Variants in ERCC6 observed in about 807,000 individuals in gnomAD.
The protein encoded by ERCC6 is DNA excision repair protein ERCC-6.
In ERCC6, 116 loss-of-function variants were observed where a neutral mutation model predicts 158.7. That is an observed-to-expected ratio of 0.73 (90% confidence interval 0.63 to 0.85). The LOEUF is 0.85. ERCC6 is among the 40% of genes least tolerant of loss of function. The pLI is 0.00. For missense variants in ERCC6, 1,698 were observed against 1,799.4 expected, an observed-to-expected ratio of 0.94 and a Z score of 1.02; for synonymous variants, 678 against 659.3, an observed-to-expected ratio of 1.03 and a Z score of -0.43.
In ERCC6 at chr10:49,457,659, G is replaced by T. The variant is rs1005539948; in HGVS notation, c.*1156C>A. On this transcript the variant is annotated 3_prime_UTR_variant, in exon 21 of 21. Coordinates refer to ENST00000355832, the MANE Select transcript of ERCC6 (RefSeq NM_000124.4). ...AGCATGCCAGAGAATACAAATCCAA[G>T]AAACAAACTGCACTAAGACAGCTAA... is the stretch of plus-strand genomic sequence containing the variant. 1 of 152,166 alleles carries T rather than the reference G, an allele frequency of 6.6e-6. No individual in the cohort carries two copies. Among genetic ancestry groups the T allele is most frequent in the African/African-American group, 2.4e-5 (1 of 41,422 alleles). 9.4% of individuals were successfully genotyped at this position (152,166 alleles called of 1,614,324 possible).
chr10:49,515,418 T>G (rs765244441), intron 5 of ERCC6: 1 of 1,614,204 alleles, frequency 6.2e-7, no homozygotes, highest in South Asian at 1.1e-5. Flanking sequence ...CTTATGACAT[T>G]CAGCGCATCG....
chr10:49,519,934 C>T (rs1837105371), intron 5 of ERCC6, among the ~76,000 whole-genome samples: 1 of 152,146 alleles, frequency 6.6e-6, no homozygotes. Flanking sequence ...AGCCCAGGCC[C>T]CTACCCTCTG....
At chr10:49,537,261 T>C (rs1837619315) in intron 1 of ERCC6, among the ~76,000 whole-genome samples, 2 of 151,302 alleles carry the variant, frequency 1.3e-5, no homozygotes, top group African/African-American at 4.9e-5. Context: ...GGAGAATCGC[T>C]TGAACCCAGG....
chr10:49,447,012 G>A, the ERCC6 span, among the ~76,000 whole-genome samples: 1 of 152,146 alleles, frequency 6.6e-6, no homozygotes, highest in Non-Finnish European at 1.5e-5. Context: ...ACATATCTCT[G>A]AGGACTGAAC....
intron 8 of ERCC6, among the ~76,000 whole-genome samples, chr10:49,487,931 C>A (rs1463047953): frequency 6.6e-6 from 1 of 152,168 alleles, no homozygotes; most frequent in East Asian, 1.9e-4. Context: ...AGCCACTGGG[C>A]AAAACCCCAT....
intron 5 of ERCC6, among the ~76,000 whole-genome samples, chr10:49,513,180 C>T (rs1187772241): frequency 6.6e-6 from 1 of 152,176 alleles, no homozygotes; most frequent in African/African-American, 2.4e-5. Flanking sequence ...CCCCATCTTA[C>T]AGGTGAGTGG....
chr10:49,479,925 G>A (rs1373466161), intron 10 of ERCC6, among the ~76,000 whole-genome samples: 1 of 152,224 alleles, frequency 6.6e-6, no homozygotes, highest in Non-Finnish European at 1.5e-5. Flanking sequence ...TCCCAGTGCT[G>A]TGGAAAACAG....
At chr10:49,474,293 G>T (rs1180278268) in intron 12 of ERCC6, 51 bp from the exon 13 acceptor site, 3 of 1,435,104 alleles carry the variant, frequency 2.1e-6, no homozygotes, top group African/African-American at 2.8e-5. Context: ...TGTAAAGTAA[G>T]ATTCCCTAGG....
intron 8 of ERCC6, among the ~76,000 whole-genome samples, chr10:49,489,629 T>G (rs1851137275): frequency 6.6e-6 from 1 of 152,144 alleles, no homozygotes; most frequent in Non-Finnish European, 1.5e-5. Flanking sequence ...ACTCTTTAAA[T>G]TACCTAAGAT....
intron 19 of ERCC6, 53 bp downstream of exon 19, chr10:49,461,299 C>G: frequency 6.4e-7 from 1 of 1,559,704 alleles, no homozygotes; most frequent in Non-Finnish European, 8.8e-7. Flanking sequence ...GATTTTATTT[C>G]TAGCCTTAGT....
chr10:49,533,067 CAA>C, intron 1 of ERCC6, 89 bp from the exon 2 acceptor site: 2 of 1,435,216 alleles, frequency 1.4e-6, no homozygotes, highest in Non-Finnish European at 9.4e-7. Flanking sequence ...ACTGATTTCT[CAA>C]AAGATCAAGT....
chr10:49,435,191 A>C, the ERCC6 span, among the ~76,000 whole-genome samples: 1 of 152,246 alleles, frequency 6.6e-6, no homozygotes, highest in Non-Finnish European at 1.5e-5. Context: ...GTTTCTAACA[A>C]TATAGTCTTA....
chr10:49,505,818 C>T, intron 6 of ERCC6, 66 bp downstream of exon 6: 2 of 1,601,280 alleles, frequency 1.2e-6, no homozygotes, highest in East Asian at 4.5e-5. Context: ...TATGTAATTC[C>T]TAAAATGTTA....
the ERCC6 span, among the ~76,000 whole-genome samples, chr10:49,446,054 G>C: frequency 6.6e-6 from 1 of 152,150 alleles, no homozygotes; most frequent in Non-Finnish European, 1.5e-5. Flanking sequence ...GTTCACATGA[G>C]TTTGAAGTCC....
At chr10:49,449,840 G>T (rs541049861), downstream of ERCC6, among the ~76,000 whole-genome samples, 1 of 151,286 alleles carries the variant, frequency 6.6e-6, no homozygotes, top group Non-Finnish European at 1.5e-5. Context: ...GTGAGCCACC[G>T]CGCCTGGCCT....
At chr10:49,511,163 C>T (rs1225107119) in intron 5 of ERCC6, among the ~76,000 whole-genome samples, 6 of 152,124 alleles carry the variant, frequency 3.9e-5, no homozygotes, top group Non-Finnish European at 8.8e-5. Flanking sequence ...GGTTTCTGCA[C>T]GCCAGCTGAT....
intron 5 of ERCC6, among the ~76,000 whole-genome samples, chr10:49,514,593 C>T (rs193264187): frequency 3.9e-5 from 6 of 152,238 alleles, no homozygotes; most frequent in Admixed American, 2.0e-4. Context: ...AAATCTACAC[C>T]GTCTGTAAGG....
Position 49,458,855 on chromosome 10 carries a change from C to A in ERCC6, c.4442G>T (p.Gly1481Val), listed in dbSNP as rs1465700433. 3 of 1,614,182 alleles carry A rather than the reference C, an allele frequency of 1.9e-6. No individual in the cohort carries two copies. The South Asian group carries it at 3.3e-5, about 18-fold the overall frequency. The change falls in exon 21 of 21, where the codon GGT (glycine) becomes GTT (valine). Residue 1481 changes from glycine to valine, a missense_variant. Physicochemically the swap from Gly to Val is moderately radical, Grantham distance 109 (BLOSUM62 -3). Coordinates refer to ENST00000355832, the MANE Select transcript of ERCC6 (RefSeq NM_000124.4). ...CTTGAGTTTCCAAATTCCTTCACCACCAGAAGTTCTATGGAAAGTGCACAG... is the reference window on the plus strand; with the variant it reads ...CTTGAGTTTCCAAATTCCTTCACCAACAGAAGTTCTATGGAAAGTGCACAG... ...RNLCTFHRTS[G>V]GEGIWKLKPE...
intron 5 of ERCC6, chr10:49,515,941 T>C (rs1383273995): frequency 6.2e-7 from 1 of 1,614,216 alleles, no homozygotes; most frequent in South Asian, 1.1e-5. Flanking sequence ...TCTTTTTTCT[T>C]TAAAGCTACA....
Sources: allele counts gnomAD v4.1 joint callset (sites outside exome capture counted in the v4.1 genomes callset), GRCh38; gene constraint gnomAD v4.1.1; transcripts MANE v1.5; gene names NCBI Gene and HGNC (gene_info 2026-07-23, HGNC 2026-07-21).